Variants in ZNF766 observed in about 807,000 individuals in gnomAD.
ZNF766 encodes the protein zinc finger protein 766.
In ZNF766, 13 loss-of-function variants were observed where a neutral mutation model predicts 13.2. That is an observed-to-expected ratio of 0.98 (90% CI 0.64 to 1.56). ZNF766 has a LOEUF of 1.56. Among genes scored for constraint, ZNF766 ranks in the 40% most tolerant of loss-of-function variants. The pLI is 0.00. For missense variants in ZNF766, 521 were observed against 552.2 expected, an observed-to-expected ratio of 0.94 and a Z score of 0.57; for synonymous variants, 178 against 187.6, an observed-to-expected ratio of 0.95 and a Z score of 0.42.
Position 52,291,386 on chromosome 19 carries a change from A to T in ZNF766, c.*188A>T. 1.7e-6 allele frequency: 1 copy of T among 585,720 alleles called. No homozygotes were observed. The highest frequency in any genetic ancestry group is 2.5e-5 in the South Asian group (1 of 40,522). 36.3% of individuals were successfully genotyped at this position (585,720 alleles called of 1,614,324 possible). On this transcript the variant is annotated 3_prime_UTR_variant, in exon 4 of 4. Coordinates refer to ENST00000439461, the MANE Select transcript of ZNF766 (RefSeq NM_001010851.3). ...TGTGTGTGCCAAGGCCAACAAGTCA[A>T]AATATGTTGAACCTAATGATATGAT...
intron 1 of ZNF766, 142 bp from the exon 2 acceptor site, chr19:52,281,969 C>A: frequency 1.0e-6 from 1 of 995,272 alleles, no homozygotes; most frequent in African/African-American, 1.6e-5. Flanking sequence ...ACATAACTAG[C>A]TCAAAAATAC....
In ZNF766 at chr19:52,282,144, T is replaced by G; in HGVS notation, c.52T>G (p.Phe18Val). The change falls in exon 2 of 4, where the codon TTC (phenylalanine) becomes GTC (valine). Residue 18 changes from phenylalanine (F) to valine (V), a missense_variant. Coordinates refer to ENST00000439461, the MANE Select transcript of ZNF766 (RefSeq NM_001010851.3). ...GACATTCAGGGACGTGGCCATAGAA[T>G]TCTCTCAGGAGGAGTGGAAATGCCT... ...HLTFRDVAIE[F>V]SQEEWKCLDP... is the part of the protein sequence containing the mutation. 2 of 1,605,116 alleles carry G rather than the reference T, an allele frequency of 1.2e-6. No individual in the cohort carries two copies. The highest frequency in any genetic ancestry group is 1.1e-5 in the South Asian group (1 of 90,996).
At chr19:52,270,548 G>C (rs932828486) in intron 1 of ZNF766, among the ~76,000 whole-genome samples, 10 of 152,132 alleles carry the variant, frequency 6.6e-5, no homozygotes, top group Middle Eastern at 3.4e-3. Flanking sequence ...ACCGAGCAGC[G>C]TGGTGCTGGC....
At chr19:52,287,541 G>T (rs1161067790) in intron 3 of ZNF766, among the ~76,000 whole-genome samples, 3 of 152,226 alleles carry the variant, frequency 2.0e-5, no homozygotes, top group African/African-American at 7.2e-5. Flanking sequence ...CCTTACGGCA[G>T]ATTTTGAGGA....
At position 52,283,390 on chromosome 19, in the gene ZNF766, A is replaced by G. The variant is rs1436586339; in HGVS notation, c.251A>G (p.Glu84Gly). ...MKVAKNPDRWEGIKDINTGRS... is the reference protein window; with the variant it reads ...MKVAKNPDRWGGIKDINTGRS... ...GTAGCAAAAAATCCAGATAGGTGGGAAGGTATCAAAGATATCAACACAGGT... is the reference window on the plus strand; with the variant it reads ...GTAGCAAAAAATCCAGATAGGTGGGGAGGTATCAAAGATATCAACACAGGT... The change falls in exon 3 of 4, where the codon GAA (glutamate) becomes GGA (glycine). Residue 84 changes from glutamate (E) to glycine (G), a missense_variant. Glu to Gly is a moderately conservative substitution (Grantham distance 98). Transcript: ENST00000439461. 6.2e-7 allele frequency: 1 copy of G among 1,604,406 alleles called. No homozygotes were observed. The highest frequency in any genetic ancestry group is 1.7e-5 in the Admixed American group (1 of 57,832).
Position 52,283,277 on chromosome 19 carries a change from A to G in ZNF766, c.146-8A>G. The G allele has an allele frequency of 6.2e-7, 1 of 1,611,858 alleles. No homozygotes were observed. The highest frequency in any genetic ancestry group is 8.5e-7 in the Non-Finnish European group (1 of 1,178,890). On this transcript the variant is annotated splice_region_variant and splice_polypyrimidine_tract_variant and intron_variant, in intron 2 of 3. Transcript: ENST00000439461. ...ACAGCACATCTTGATTCTTTCTTTTATAAACAGGAATCTGTCTTCCTGACC... is the reference window on the plus strand; with the variant it reads ...ACAGCACATCTTGATTCTTTCTTTTGTAAACAGGAATCTGTCTTCCTGACC...
chr19:52,283,403 T>G lies in ZNF766; in HGVS notation c.264T>G (p.Asp88Glu). ...CAGATAGGTGGGAAGGTATCAAAGA[T>G]ATCAACACAGGTAAGAGCTCAGATG... Reference protein sequence around the residue: ...KNPDRWEGIKDINTGRSCAVR... With the variant: ...KNPDRWEGIKEINTGRSCAVR... The change falls in exon 3 of 4, where the codon GAT becomes GAG. Residue 88 changes from aspartate to glutamate, a missense_variant. Coordinates refer to ENST00000439461, the MANE Select transcript of ZNF766 (RefSeq NM_001010851.3). 1 of 1,596,350 alleles carries G rather than the reference T, an allele frequency of 6.3e-7. No individual in the cohort carries two copies. Among genetic ancestry groups the G allele is most frequent in the Non-Finnish European group, 8.5e-7 (1 of 1,170,632 alleles).
chr19:52,290,596 A>G lies in ZNF766; in HGVS notation c.805A>G (p.Ser269Gly). The G allele has an allele frequency of 2.5e-6, 4 of 1,614,146 alleles. No individual in the cohort carries two copies. Among genetic ancestry groups the G allele is most frequent in the Non-Finnish European group, 3.4e-6 (4 of 1,179,990 alleles). Reference protein sequence around the residue: ...ARHEKVHTGESPYKCNECGKV... With the variant: ...ARHEKVHTGEGPYKCNECGKV... ...ACACGAGAAAGTGCATACTGGAGAG[A>G]GTCCTTACAAATGTAATGAGTGTGG... The change falls in exon 4 of 4, where the codon AGT (serine) becomes GGT (glycine). Residue 269 changes from serine (S) to glycine (G), a missense_variant. By Grantham distance (56) the Ser-to-Gly change is moderately conservative. Transcript: ENST00000439461.
At chr19:52,281,663 CAGTT>C (rs1413240444) in intron 1 of ZNF766, 5 of 395,986 alleles carry the variant, frequency 1.3e-5, no homozygotes, top group African/African-American at 4.2e-5. Flanking sequence ...TAACTTTACT[CAGTT>C]AGGTAATTGT....
chr19:52,274,198 A>G (rs1266286922), intron 1 of ZNF766, among the ~76,000 whole-genome samples: 1 of 149,906 alleles, frequency 6.7e-6, no homozygotes, highest in African/African-American at 2.5e-5. Context: ...GGTATCACGT[A>G]GGATTTGCTT....
Position 52,291,336 on chromosome 19 carries a change from C to G in ZNF766, c.*138C>G. ...AATCACTAGACATCGAAACATTCAT[C>G]TTTGGTGAAACCACACAAATGGATT... On this transcript the variant is annotated 3_prime_UTR_variant, in exon 4 of 4. Transcript: ENST00000439461. The G allele has an allele frequency of 1.1e-6, 1 of 873,654 alleles. No individual in the cohort carries two copies. Among genetic ancestry groups the G allele is most frequent in the East Asian group, 2.5e-5 (1 of 39,648 alleles). 54.1% of individuals were successfully genotyped at this position (873,654 alleles called of 1,614,324 possible).
chr19:52,290,854 T>G lies in ZNF766; in HGVS notation c.1063T>G (p.Tyr355Asp), dbSNP rs767402822. 17 of 1,614,076 alleles carry G rather than the reference T, an allele frequency of 1.1e-5. No individual in the cohort carries two copies. In the African/African-American group the frequency reaches 2.0e-4, roughly 19 times the overall value. The stretch of plus-strand genomic sequence containing the variant: ...GTTAATCCACACTGGAGAGAAACCT[T>G]ACAAATGTAAAGAATGTGACAAAGC... The part of the protein sequence containing the change: ...HLLIHTGEKP[Y>D]KCKECDKAFR... Residue 355 changes from tyrosine to aspartate, a missense_variant, in exon 4 of 4, where the codon TAC (tyrosine) becomes GAC (aspartate). Transcript: ENST00000439461.
At chr19:52,277,288 T>C (rs1324788227) in intron 1 of ZNF766, 2 of 988,942 alleles carry the variant, frequency 2.0e-6, no homozygotes, top group Non-Finnish European at 2.8e-6. Context: ...TGAAACCCCG[T>C]CTCTACTACG....
chr19:52,286,198 T>G (rs1193915623), intron 3 of ZNF766, among the ~76,000 whole-genome samples: 3 of 136,926 alleles, frequency 2.2e-5, no homozygotes, highest in Non-Finnish European at 4.6e-5. Context: ...TCCCCCCTAA[T>G]TATAAAGGAA....
intron 3 of ZNF766, among the ~76,000 whole-genome samples, chr19:52,285,318 A>G (rs908587145): frequency 8.5e-5 from 13 of 152,086 alleles, no homozygotes; most frequent in South Asian, 2.1e-4. Context: ...CCAACACTGT[A>G]TCTGGAGATA....
intron 3 of ZNF766, among the ~76,000 whole-genome samples, chr19:52,288,516 C>T (rs1052079628): frequency 2.6e-5 from 4 of 151,982 alleles, no homozygotes; most frequent in Non-Finnish European, 4.4e-5. Flanking sequence ...TACAAGCACA[C>T]GACACTGTGC....
chr19:52,277,999 G>A (rs1435113234), intron 1 of ZNF766, among the ~76,000 whole-genome samples: 2 of 143,490 alleles, frequency 1.4e-5, no homozygotes, highest in African/African-American at 5.3e-5. Flanking sequence ...GGAGACAAGA[G>A]TCTTGCTCTG....
rs1033010540 is a variant in ZNF766, at chr19:52,293,028, A to G, written c.*1830A>G. 1 of 151,140 alleles carries G rather than the reference A, an allele frequency of 6.6e-6. No homozygotes were observed. The highest frequency in any genetic ancestry group is 1.5e-5 in the Non-Finnish European group (1 of 67,798). The allele number at this position is 151,140 out of a possible 1,614,324, so 9.4% of individuals were successfully genotyped here. ...ACCCGCCTTGTGTCCAGGTGTTCTC[A>G]TTGATCAATTCCCACCTATGAGTGA... On this transcript the variant is annotated 3_prime_UTR_variant, in exon 4 of 4. Coordinates refer to ENST00000439461, the MANE Select transcript of ZNF766 (RefSeq NM_001010851.3).
intron 1 of ZNF766, among the ~76,000 whole-genome samples, chr19:52,271,630 G>A (rs1395140667): frequency 6.6e-6 from 1 of 152,228 alleles, no homozygotes; most frequent in East Asian, 1.9e-4. Flanking sequence ...ACTTTGGTTA[G>A]TGCACCCACA....
Sources: gnomAD v4.1 joint callset for allele counts (sites outside exome capture counted in the v4.1 genomes callset) on GRCh38, gnomAD v4.1.1 for gene constraint, MANE v1.5 for transcripts, NCBI Gene and HGNC (gene_info 2026-07-23, HGNC 2026-07-21) for gene names.